The following TNRC18 variants were observed in gnomAD, a reference collection of about 807,000 sequenced individuals.
TNRC18 encodes trinucleotide repeat containing 18, also known as trinucleotide repeat-containing gene 18 protein.
TNRC18 carries 69 observed loss-of-function variants against 226.7 expected under a neutral mutation model. The ratio of observed to expected loss-of-function variants is 0.30; its 90% CI spans 0.25 to 0.37. TNRC18 has a LOEUF of 0.37. TNRC18 is among the 10% of genes least tolerant of loss of function. The pLI, the probability that TNRC18 is intolerant of heterozygous loss-of-function variation, is 1.00. For synonymous variants in TNRC18, 2,449 were observed against 1,927.6 expected (o/e 1.27, Z -7.09); for missense variants, 4,754 against 4,256.6 (o/e 1.12, Z -3.25).
chr7:5,361,660 C>G lies in TNRC18; in HGVS notation c.4595G>C (p.Arg1532Pro). ...CGACAGGGCGCTCGGGGCGTGGGTC[C>G]GTTTCCGCGGCCTGCCAGGGCCTCT... ...ARRGPGRPRK[R>P]THAPSALSPP... The change falls in exon 14 of 30, where the codon CGG (arginine) becomes CCG (proline). Residue 1532 changes from arginine to proline, a missense_variant. By Grantham distance (103) the Arg-to-Pro change is moderately radical. Transcript: ENST00000430969. 1.3e-6 allele frequency: 2 copies of G among 1,561,328 alleles called. No individual in the cohort carries two copies. Among genetic ancestry groups the G allele is most frequent in the Non-Finnish European group, 8.7e-7 (1 of 1,154,118 alleles).
At chr7:5,391,979 C>T (rs2128199526) in intron 3 of TNRC18, among the ~76,000 whole-genome samples, 1 of 151,760 alleles carries the variant, frequency 6.6e-6, no homozygotes, top group East Asian at 1.9e-4. Context: ...GATCCCAGGC[C>T]AATTAGAGAT....
At position 5,357,058 on chromosome 7, in the gene TNRC18, G is replaced by A. The variant is rs200286120; in HGVS notation, c.5052C>T (p.Leu1684=). ...CTCTGGAGGATTTCAGAGACAGGCC[G>A]AGGCCCTTGGCCAGCGCCTTCCTGT... ...GKNRKALAKG[L]GLSLKSSREG... is the part of the protein sequence containing the mutation. Residue 1684 remains leucine (L), a synonymous_variant, in exon 16 of 30, where the codon CTC becomes CTT. Coordinates refer to ENST00000430969, the MANE Select transcript of TNRC18 (RefSeq NM_001080495.3). 1,632 of 1,552,198 alleles carry A rather than the reference G, an allele frequency of 1.1e-3. 3 individuals are homozygous for A. The highest frequency in any genetic ancestry group is 1.3e-3 in the Non-Finnish European group (1,548 of 1,147,114).
chr7:5,376,291 G>A, intron 8 of TNRC18, 67 bp from the exon 9 acceptor site: 6 of 1,323,726 alleles, frequency 4.5e-6, no homozygotes, highest in African/African-American at 3.0e-5. Flanking sequence ...CATTACGAGG[G>A]GAAGCTGAAG....
intron 16 of TNRC18, among the ~76,000 whole-genome samples, chr7:5,354,721 C>G (rs1212317858): frequency 1.3e-5 from 2 of 152,096 alleles, no homozygotes; most frequent in East Asian, 3.9e-4. Context: ...TGGTGACCTG[C>G]TAGCCTAGGA....
chr7:5,405,856 G>T (rs1481336270), intron 2 of TNRC18, among the ~76,000 whole-genome samples: 1 of 152,208 alleles, frequency 6.6e-6, no homozygotes, highest in Non-Finnish European at 1.5e-5. Flanking sequence ...TTGAGCTCAG[G>T]AGTTTGAGAC....
intron 5 of TNRC18, among the ~76,000 whole-genome samples, chr7:5,382,402 G>A (rs969687951): frequency 2.0e-5 from 3 of 152,154 alleles, no homozygotes; most frequent in Non-Finnish European, 2.9e-5. Context: ...CAGCGCTAAC[G>A]ACTCCACTCA....
At chr7:5,362,922 A>G in intron 11 of TNRC18, 97 bp from the exon 12 acceptor site, 7 of 1,271,940 alleles carry the variant, frequency 5.5e-6, no homozygotes, top group Non-Finnish European at 7.3e-6. Flanking sequence ...GCCCCAGGCC[A>G]CACGTGCCCA....
At position 5,361,666 on chromosome 7, in the gene TNRC18, C is replaced by G. The variant is rs367826692; in HGVS notation, c.4589G>C (p.Arg1530Pro). ...GGCGCTCGGGGCGTGGGTCCGTTTCCGCGGCCTGCCAGGGCCTCTGCGTGC... is the reference window on the plus strand; with the variant it reads ...GGCGCTCGGGGCGTGGGTCCGTTTCGGCGGCCTGCCAGGGCCTCTGCGTGC... ...SLARRGPGRPRKRTHAPSALS... is the reference protein window; with the variant it reads ...SLARRGPGRPPKRTHAPSALS... The change falls in exon 14 of 30, where the codon CGG becomes CCG. Residue 1530 changes from arginine (R) to proline (P), a missense_variant. Transcript: ENST00000430969. 1.3e-6 allele frequency: 2 copies of G among 1,562,352 alleles called. No homozygotes were observed. The highest frequency in any genetic ancestry group is 3.8e-5 in the Admixed American group (2 of 53,074).
intron 25 of TNRC18, 95 bp downstream of exon 25, chr7:5,315,861 T>A: frequency 2.2e-6 from 2 of 907,732 alleles, no homozygotes; most frequent in Admixed American, 7.0e-5. Context: ...TGGCTCCAAA[T>A]GACTTCAGAC....
At position 5,394,537 on chromosome 7, in the gene TNRC18, A is replaced by G. The variant is rs949733198; in HGVS notation, c.246T>C (p.His82=). The change falls in exon 3 of 30, where the codon CAT becomes CAC. Residue 82 remains histidine, a synonymous_variant. Transcript: ENST00000430969. This position sits in a 1 kb window ranked among gnomAD's most constrained non-coding sequence, Gnocchi z 4.5. ...ASGMGPSASS[H]GSPVPLPSDL... is the part of the protein sequence containing the mutation. ...CAGAGGGCAGTGGCACTGGGCTCCC[A>G]TGGGACGAGGCCGAGGGCCCCATCC... The G allele has an allele frequency of 2.1e-5, 32 of 1,552,560 alleles. No homozygotes were observed. In the East Asian group the frequency reaches 3.7e-4, roughly 18 times the overall value.
At position 5,388,807 on chromosome 7, in the gene TNRC18, G is replaced by A. The variant is rs1371454880; in HGVS notation, c.1017C>T (p.Pro339=). The part of the protein sequence containing the change: ...RPCPSPLPPP[P]APPKGPPAPP... ...GTGCAGGAGGCCCCTTGGGGGGCGCGGGCGGCGGGGGCAGCGGTGAGGGGC... is the reference window on the plus strand; with the variant it reads ...GTGCAGGAGGCCCCTTGGGGGGCGCAGGCGGCGGGGGCAGCGGTGAGGGGC... The change falls in exon 5 of 30, where the codon CCC becomes CCT. Residue 339 remains proline (P), a synonymous_variant. Transcript: ENST00000430969. 4 of 1,190,434 alleles carry A rather than the reference G, an allele frequency of 3.4e-6. No individual in the cohort carries two copies. Among genetic ancestry groups the A allele is most frequent in the South Asian group, 3.0e-5 (1 of 33,544 alleles). 73.7% of individuals were successfully genotyped at this position (1,190,434 alleles called of 1,614,324 possible). A position where few individuals can be genotyped will look rare whatever the true frequency, so the allele number is the denominator to read the frequency against.
chr7:5,387,939 C>A lies in TNRC18; in HGVS notation c.1885G>T (p.Gly629Cys). The A allele has an allele frequency of 6.3e-7, 1 of 1,597,936 alleles. No homozygotes were observed. Among genetic ancestry groups the A allele is most frequent in the Non-Finnish European group, 8.5e-7 (1 of 1,173,352 alleles). The part of the protein sequence containing the change: ...MKPEPAPTSA[G>C]ASRAQARLPH... Reference sequence around the variant, plus strand: ...AGACGGGCCTGGGCTCGGGAGGCACCCGCAGAGGTGGGCGCAGGCTCGGGT... The same window carrying A: ...AGACGGGCCTGGGCTCGGGAGGCACACGCAGAGGTGGGCGCAGGCTCGGGT... The change falls in exon 5 of 30, where the codon GGT (glycine) becomes TGT (cysteine). Residue 629 changes from glycine (G) to cysteine (C), a missense_variant. Physicochemically the swap from Gly to Cys is radical, Grantham distance 159. Coordinates refer to ENST00000430969, the MANE Select transcript of TNRC18 (RefSeq NM_001080495.3).
intron 18 of TNRC18, 60 bp downstream of exon 18, chr7:5,345,502 G>T: frequency 8.6e-7 from 1 of 1,164,094 alleles, no homozygotes; most frequent in Non-Finnish European, 1.2e-6. Context: ...CCTGTGGGAT[G>T]GGGCAATGGC....
Position 5,394,808 on chromosome 7 carries a change from G to A in TNRC18, c.188-213C>T, listed in dbSNP as rs943015802. ...ATCAACCCAACCAGACCCAGGGCTT[G>A]AGAAAGCACAATACGGCAGGAAGCC... is the stretch of plus-strand genomic sequence containing the variant. On this transcript the variant is annotated intron_variant, in intron 2 of 29. Transcript: ENST00000430969. This position sits in a 1 kb window ranked among gnomAD's most constrained non-coding sequence, Gnocchi z 4.5. Among the ~76,000 whole-genome samples, 1 of 152,038 alleles carries A rather than the reference G, an allele frequency of 6.6e-6. No homozygotes were observed. Among genetic ancestry groups the A allele is most frequent in the East Asian group, 1.9e-4 (1 of 5,164 alleles).
Position 5,343,318 on chromosome 7 carries a change from C to T in TNRC18, c.5719+2244G>A, listed in dbSNP as rs775218886. 2.9e-4 allele frequency among the ~76,000 whole-genome samples: 44 copies of T among 152,306 alleles called. 1 individual carries two copies. The highest frequency in any genetic ancestry group is 6.8e-3 in the Middle Eastern group (2 of 294). On this transcript the variant is annotated intron_variant, in intron 18 of 29. Coordinates refer to ENST00000430969, the MANE Select transcript of TNRC18 (RefSeq NM_001080495.3). ...GCAGTGAGCAGAGATCACGCCACTACACTTCAGCCTGGGTGACAAAGCGAG... is the reference window on the plus strand; with the variant it reads ...GCAGTGAGCAGAGATCACGCCACTATACTTCAGCCTGGGTGACAAAGCGAG...
chr7:5,421,782 A>C (rs1188703092), intron 1 of TNRC18, among the ~76,000 whole-genome samples: 6 of 152,176 alleles, frequency 3.9e-5, no homozygotes, highest in Non-Finnish European at 7.4e-5. Context: ...GGTCCTCCCG[A>C]AACCGGGGAG....
At chr7:5,316,105 T>G in intron 24 of TNRC18, 33 bp from the exon 25 acceptor site, 1 of 1,549,014 alleles carries the variant, frequency 6.5e-7, no homozygotes, top group Non-Finnish European at 8.9e-7. Flanking sequence ...GGGGAGGCCC[T>G]CGGACCTCCA....
At chr7:5,347,297 C>T (rs1791297158) in intron 17 of TNRC18, among the ~76,000 whole-genome samples, 1 of 151,204 alleles carries the variant, frequency 6.6e-6, no homozygotes, top group African/African-American at 2.4e-5. Context: ...ACGCCATTCT[C>T]CTGCCTCAGC....
chr7:5,349,909 A>G (rs1374514890), intron 17 of TNRC18, among the ~76,000 whole-genome samples: 1 of 151,966 alleles, frequency 6.6e-6, no homozygotes, highest in African/African-American at 2.4e-5. Flanking sequence ...GGCACTGAGG[A>G]GCCTGGGCCT....
Sources: gnomAD v4.1 joint callset for allele counts (sites outside exome capture counted in the v4.1 genomes callset) on GRCh38, gnomAD v4.1.1 for gene constraint, Gnocchi (gnomAD v3.1) non-coding constraint, MANE v1.5 for transcripts, NCBI Gene and HGNC (gene_info 2026-07-23, HGNC 2026-07-21) for gene names.